The following MAN1C1 variants were observed in gnomAD, a reference collection of about 807,000 sequenced individuals.
MAN1C1 encodes mannosidase alpha class 1C member 1.
In MAN1C1, 49 loss-of-function variants were observed where a neutral mutation model predicts 71.5. The observed-to-expected ratio is 0.69, with a 90% CI of 0.54 to 0.87. MAN1C1 has a LOEUF of 0.87. Among genes scored for constraint, MAN1C1 ranks in the 40% least tolerant of loss-of-function variants. The probability of loss-of-function intolerance (pLI) is 0.00; values close to 1 mark genes in which losing one functional copy is unlikely to be tolerated. For synonymous variants in MAN1C1, 352 were observed against 343.7 expected (o/e 1.02, Z -0.27); for missense variants, 743 against 835.0 (o/e 0.89, Z 1.36).
intron 2 of MAN1C1, among the ~76,000 whole-genome samples, chr1:25,722,427 C>A (rs2046779142): frequency 6.6e-6 from 1 of 152,254 alleles, no homozygotes; most frequent in African/African-American, 2.4e-5. Context: ...GCTGGTCCTC[C>A]AATTTATCTT....
At chr1:25,763,065 C>T (rs1456581948) in intron 6 of MAN1C1, among the ~76,000 whole-genome samples, 2 of 152,036 alleles carry the variant, frequency 1.3e-5, no homozygotes, top group African/African-American at 2.4e-5. Context: ...GTCAAGAGTT[C>T]GAGACCAGCC....
At chr1:25,748,816 C>T (rs968798519) in intron 3 of MAN1C1, among the ~76,000 whole-genome samples, 5 of 152,226 alleles carry the variant, frequency 3.3e-5, no homozygotes, top group Admixed American at 3.3e-4. Context: ...TCCCTGTCTG[C>T]CCCACAGCCT....
rs77938792 is a variant in MAN1C1, at chr1:25,673,684, C to T, written c.541-12756C>T. ...GGCTCTGAACTGCTATGCCTTACCTCCTCCCCAGGAGCACGTCACAGAGAT... is the reference window on the plus strand; with the variant it reads ...GGCTCTGAACTGCTATGCCTTACCTTCTCCCCAGGAGCACGTCACAGAGAT... On this transcript the variant is annotated intron_variant, in intron 1 of 11. Coordinates refer to ENST00000374332, the MANE Select transcript of MAN1C1 (RefSeq NM_020379.4). 2.5e-4 allele frequency among the ~76,000 whole-genome samples: 38 copies of T among 152,328 alleles called. No homozygotes were observed. The East Asian group carries it at 7.1e-3, about 29-fold the overall frequency.
intron 2 of MAN1C1, among the ~76,000 whole-genome samples, chr1:25,741,311 A>G (rs1281696666): frequency 2.0e-5 from 3 of 152,072 alleles, no homozygotes; most frequent in African/African-American, 7.2e-5. Context: ...TCACTAAGAG[A>G]ATGAGGGAGG....
At position 25,735,608 on chromosome 1, in the gene MAN1C1, G is replaced by A. The variant is rs1395285815; in HGVS notation, c.638-11060G>A. On this transcript the variant is annotated intron_variant, in intron 2 of 11. Transcript: ENST00000374332. This position sits in a 1 kb window ranked among gnomAD's most constrained non-coding sequence, Gnocchi z 4.6. ...TATCAGTCATCTATTTCCATAATAG[G>A]GTTGTATTATAACAAAGTATTCCAC... 2.0e-5 allele frequency among the ~76,000 whole-genome samples: 3 copies of A among 152,108 alleles called. No homozygotes were observed. The highest frequency in any genetic ancestry group is 4.4e-5 in the Non-Finnish European group (3 of 68,034).
chr1:25,777,119 G>A (rs990426890), intron 8 of MAN1C1, among the ~76,000 whole-genome samples: 1 of 152,146 alleles, frequency 6.6e-6, no homozygotes, highest in Non-Finnish European at 1.5e-5. Flanking sequence ...TTCACATAAG[G>A]GCACTTGGAA....
chr1:25,644,304 G>A (rs1465311599), intron 1 of MAN1C1, among the ~76,000 whole-genome samples: 1 of 151,800 alleles, frequency 6.6e-6, no homozygotes, highest in Non-Finnish European at 1.5e-5. Context: ...GGTGCAGCTT[G>A]GAAAGGTCAA....
chr1:25,753,626 C>A lies in MAN1C1; in HGVS notation c.929+48C>A. 6.4e-7 allele frequency: 1 copy of A among 1,555,048 alleles called. No homozygotes were observed. Among genetic ancestry groups the A allele is most frequent in the Non-Finnish European group, 8.8e-7 (1 of 1,132,650 alleles). On this transcript the variant is annotated intron_variant, in intron 5 of 11. Coordinates refer to ENST00000374332, the MANE Select transcript of MAN1C1 (RefSeq NM_020379.4). The surrounding 1 kb of genome is among the most constrained non-coding windows in gnomAD (Gnocchi z 4.9). ...ACTGGGGCTTTACTGCGACCATGCC[C>A]ACCATTTGTGTTTTGTCTGGGTGGT... is the stretch of plus-strand genomic sequence containing the variant.
At chr1:25,629,741 A>AT (rs201254114) in intron 1 of MAN1C1, among the ~76,000 whole-genome samples, 115 of 143,286 alleles carry the variant, frequency 8.0e-4, no homozygotes, top group South Asian at 4.7e-3. Context: ...TTTTTAATTG[A>AT]TTTTTTTTTT....
chr1:25,759,158 C>G lies in MAN1C1; in HGVS notation c.1047+449C>G, dbSNP rs547640685. 12 of 191,154 alleles carry G rather than the reference C, an allele frequency of 6.3e-5. No individual in the cohort carries two copies. In the East Asian group the frequency reaches 1.4e-3, roughly 23 times the overall value. 11.8% of individuals were successfully genotyped at this position (191,154 alleles called of 1,614,324 possible). A position where few individuals can be genotyped will look rare whatever the true frequency, so the allele number is the denominator to read the frequency against. ...CTTCCCTGTGCCTGTTTAGCTCATG[C>G]CATCAGCAGGCTGGCATGGCAATAC... On this transcript the variant is annotated intron_variant, in intron 6 of 11. Transcript: ENST00000374332.
At position 25,631,383 on chromosome 1, in the gene MAN1C1, A is replaced by G. The variant is rs2045378776; in HGVS notation, c.540+13046A>G. ...GTATGATGTTGGTTATGGGTTTGTCATATATGGCTTTTATTATTTTGAGAT... is the reference window on the plus strand; with the variant it reads ...GTATGATGTTGGTTATGGGTTTGTCGTATATGGCTTTTATTATTTTGAGAT... On this transcript the variant is annotated intron_variant, in intron 1 of 11. Coordinates refer to ENST00000374332, the MANE Select transcript of MAN1C1 (RefSeq NM_020379.4). This position sits in a 1 kb window ranked among gnomAD's most constrained non-coding sequence, Gnocchi z 4.2. Among the ~76,000 whole-genome samples, 1 of 152,268 alleles carries G rather than the reference A, an allele frequency of 6.6e-6. No individual in the cohort carries two copies. The highest frequency in any genetic ancestry group is 1.5e-5 in the Non-Finnish European group (1 of 68,008).
At chr1:25,709,203 A>C (rs1016294576) in intron 2 of MAN1C1, among the ~76,000 whole-genome samples, 2 of 152,082 alleles carry the variant, frequency 1.3e-5, no homozygotes, top group African/African-American at 4.8e-5. Flanking sequence ...CATGCCTTGG[A>C]TTGTAGGTGG....
intron 2 of MAN1C1, among the ~76,000 whole-genome samples, chr1:25,715,378 T>C (rs1188091853): frequency 6.6e-6 from 1 of 151,394 alleles, no homozygotes; most frequent in African/African-American, 2.4e-5. Flanking sequence ...GGAGGGGAGG[T>C]GTAGAAGGTG....
rs985730147 is a variant in MAN1C1, at chr1:25,746,499, C to T, written c.638-169C>T. On this transcript the variant is annotated intron_variant, in intron 2 of 11. Coordinates refer to ENST00000374332, the MANE Select transcript of MAN1C1 (RefSeq NM_020379.4). The surrounding 1 kb of genome is among the most constrained non-coding windows in gnomAD (Gnocchi z 4.0). ...AGCCCATGGCGGGGACTCTGGGTCT[C>T]GGCGTCACCTTCGATGGTGGCACTG... Among the ~76,000 whole-genome samples, 1 of 152,158 alleles carries T rather than the reference C, an allele frequency of 6.6e-6. No individual in the cohort carries two copies. The highest frequency in any genetic ancestry group is 2.4e-5 in the African/African-American group (1 of 41,440).
chr1:25,683,623 G>T (rs1044153597), intron 1 of MAN1C1, among the ~76,000 whole-genome samples: 39 of 152,128 alleles, frequency 2.6e-4, no homozygotes, highest in African/African-American at 8.9e-4. Context: ...CCTTTCAGCT[G>T]GGACCTGAAG....
At chr1:25,663,808 C>T (rs1197409267) in intron 1 of MAN1C1, among the ~76,000 whole-genome samples, 1 of 152,170 alleles carries the variant, frequency 6.6e-6, no homozygotes, top group African/African-American at 2.4e-5. Context: ...ACTGCTCTGT[C>T]CTGGCCCTGC....
intron 2 of MAN1C1, 122 bp downstream of exon 2, chr1:25,686,658 T>A: frequency 1.3e-6 from 1 of 768,306 alleles, no homozygotes; most frequent in Non-Finnish European, 2.2e-6. Context: ...TCTCCAGATC[T>A]GGGGCCTTCC....
At chr1:25,723,846 A>C (rs2046798287) in intron 2 of MAN1C1, among the ~76,000 whole-genome samples, 1 of 152,166 alleles carries the variant, frequency 6.6e-6, no homozygotes, top group Non-Finnish European at 1.5e-5. Flanking sequence ...CTTGGACTAA[A>C]GGATTGAGGG....
intron 2 of MAN1C1, among the ~76,000 whole-genome samples, chr1:25,713,340 T>G (rs2046638660): frequency 6.6e-6 from 1 of 152,202 alleles, no homozygotes; most frequent in South Asian, 2.1e-4. Flanking sequence ...ATACCCACTT[T>G]ATAGATGAGG....
Sources: allele counts gnomAD v4.1 joint callset (sites outside exome capture counted in the v4.1 genomes callset), GRCh38; gene constraint gnomAD v4.1.1; non-coding constraint Gnocchi (gnomAD v3.1); transcripts MANE v1.5; gene names NCBI Gene and HGNC (gene_info 2026-07-23, HGNC 2026-07-21).